The following PCDHGB2 variants were observed in gnomAD, a reference collection of about 807,000 sequenced individuals.
PCDHGB2 encodes protocadherin gamma subfamily B, 2.
A neutral mutation model predicts 59.3 loss-of-function variants in PCDHGB2; 55 were observed. The observed-to-expected ratio is 0.93, with a 90% CI of 0.75 to 1.16. The LOEUF (loss-of-function observed/expected upper bound fraction) is 1.16, where lower values mean the gene tolerates loss of function less well. Among genes scored for constraint, PCDHGB2 ranks in the 50% most tolerant of loss-of-function variants. The pLI, the probability that PCDHGB2 is intolerant of heterozygous loss-of-function variation, is 0.00. For missense variants in PCDHGB2, 1,228 were observed against 1,198.5 expected (o/e 1.02, Z -0.36); for synonymous variants, 516 against 512.0 (o/e 1.01, Z -0.11).
At chr5:141,415,937 C>T (rs939831077) in intron 1 of PCDHGB2, 8 of 587,822 alleles carry the variant, frequency 1.4e-5, no homozygotes, top group Non-Finnish European at 2.0e-5. Context: ...TATATTTCCT[C>T]CTGGGTGGTC....
chr5:141,419,137 C>G, intron 1 of PCDHGB2: 2 of 1,613,892 alleles, frequency 1.2e-6, no homozygotes, highest in Non-Finnish European at 1.7e-6. Context: ...CAGCCACAGA[C>G]AGGGGCAAGC....
intron 1 of PCDHGB2, chr5:141,373,900 C>G (rs1392088085): frequency 1.8e-6 from 1 of 550,068 alleles, no homozygotes; most frequent in Non-Finnish European, 3.0e-6. Context: ...CAAGTTACAT[C>G]CTCCAACAAC....
Position 141,487,333 on chromosome 5 carries a change from C to T in PCDHGB2, c.2422-7474C>T. 6.2e-7 allele frequency: 1 copy of T among 1,614,176 alleles called. No homozygotes were observed. The highest frequency in any genetic ancestry group is 8.5e-7 in the Non-Finnish European group (1 of 1,180,022). On this transcript the variant is annotated intron_variant, in intron 1 of 3. Transcript: ENST00000522605. The surrounding 1 kb of genome is among the most constrained non-coding windows in gnomAD (Gnocchi z 5.0). ...TCTCTAAGTGTCTTCGTGGGGCAGC[C>T]TGTGGAGTCACATGCTTTCCTGCTG...
At chr5:141,363,675 G>A (rs1763023401) in intron 1 of PCDHGB2, among the ~76,000 whole-genome samples, 1 of 152,208 alleles carries the variant, frequency 6.6e-6, no homozygotes, top group South Asian at 2.1e-4. Context: ...GCATATGACA[G>A]CTAATATAAC....
At chr5:141,372,341 A>T in intron 1 of PCDHGB2, 1 of 1,613,800 alleles carries the variant, frequency 6.2e-7, no homozygotes, top group Non-Finnish European at 8.5e-7. Context: ...TGCGTGATGG[A>T]GGACAGCAGC....
chr5:141,418,867 A>T, intron 1 of PCDHGB2: 1 of 1,613,968 alleles, frequency 6.2e-7, no homozygotes, highest in Non-Finnish European at 8.5e-7. Context: ...TAATTGTAGA[A>T]GTTGTAGACG....
At chr5:141,433,391 CTA>C (rs1477426085) in intron 1 of PCDHGB2, among the ~76,000 whole-genome samples, 3 of 151,570 alleles carry the variant, frequency 2.0e-5, no homozygotes, top group African/African-American at 7.3e-5. Context: ...ATCTATCTAT[CTA>C]TCTATCTATC....
At chr5:141,433,066 C>A in intron 1 of PCDHGB2, 2 of 1,614,210 alleles carry the variant, frequency 1.2e-6, no homozygotes, top group Non-Finnish European at 1.7e-6. Context: ...GTCACCTGAT[C>A]TTCCCCCAGC....
At position 141,431,416 on chromosome 5, in the gene PCDHGB2, C is replaced by T. The variant is rs778722151; in HGVS notation, c.2422-63391C>T. Reference sequence around the variant, plus strand: ...TCCTTACGGCCTCCGACGGGGGCGACCCGGTGCGCACAGGCACCGCGCGCA... The same window carrying T: ...TCCTTACGGCCTCCGACGGGGGCGATCCGGTGCGCACAGGCACCGCGCGCA... On this transcript the variant is annotated intron_variant, in intron 1 of 3. Transcript: ENST00000522605. This position sits in a 1 kb window ranked among gnomAD's most constrained non-coding sequence, Gnocchi z 4.8. 2.5e-6 allele frequency: 4 copies of T among 1,613,714 alleles called. No homozygotes were observed. Among genetic ancestry groups the T allele is most frequent in the Admixed American group, 1.7e-5 (1 of 60,028 alleles).
At position 141,491,518 on chromosome 5, in the gene PCDHGB2, A is replaced by G. The variant is rs756813813; in HGVS notation, c.2422-3289A>G. 3 of 1,613,990 alleles carry G rather than the reference A, an allele frequency of 1.9e-6. No individual in the cohort carries two copies. The highest frequency in any genetic ancestry group is 3.3e-5 in the Admixed American group (2 of 60,028). ...GAGCTCGGACGGCACGCTCAAGTAC[A>G]TGGAGGTGACGCTGCGGCCCACAGA... On this transcript the variant is annotated intron_variant, in intron 1 of 3. Transcript: ENST00000522605. This position sits in a 1 kb window ranked among gnomAD's most constrained non-coding sequence, Gnocchi z 6.9.
chr5:141,410,251 C>A (rs2095372140), intron 1 of PCDHGB2: 5 of 1,613,898 alleles, frequency 3.1e-6, no homozygotes, highest in African/African-American at 1.3e-5. Context: ...TACTCTCTGA[C>A]CCCCAGGCTG....
intron 1 of PCDHGB2, chr5:141,364,253 T>C (rs1355902961): frequency 1.2e-5 from 18 of 1,490,992 alleles, no homozygotes; most frequent in Non-Finnish European, 1.6e-5. Context: ...TCAGGGAATA[T>C]GTACCCATCG....
rs1395556571 is a variant in PCDHGB2 at position 141,432,581 on chromosome 5, C to CT, written c.2422-62225dup. ...CCAGAACGCCTGGCTGTCCTACCGT[C>CT]TGCTCAAGGCCAGCGAGCCGGGACT... On this transcript the variant is annotated intron_variant, in intron 1 of 3. Coordinates refer to ENST00000522605, the MANE Select transcript of PCDHGB2 (RefSeq NM_018923.3). This position sits in a 1 kb window ranked among gnomAD's most constrained non-coding sequence, Gnocchi z 6.0. 6.2e-7 allele frequency: 1 copy of CT among 1,613,930 alleles called. No homozygotes were observed.
At chr5:141,365,274 A>G (rs199512708) in intron 1 of PCDHGB2, 679 of 1,613,988 alleles carry the variant, frequency 4.2e-4, no homozygotes, top group Non-Finnish European at 5.0e-4. Context: ...TCCAGATTCT[A>G]CCTCATGGAA....
Position 141,490,772 on chromosome 5 carries a change from C to T in PCDHGB2, c.2422-4035C>T. ...GCCTCCTCCTTTGTGTATGTCAACC[C>T]AGAGGATGGACGGATCTTTGCCCAG... On this transcript the variant is annotated intron_variant, in intron 1 of 3. Coordinates refer to ENST00000522605, the MANE Select transcript of PCDHGB2 (RefSeq NM_018923.3). This position sits in a 1 kb window ranked among gnomAD's most constrained non-coding sequence, Gnocchi z 5.4. 6.2e-7 allele frequency: 1 copy of T among 1,614,164 alleles called. No homozygotes were observed. The highest frequency in any genetic ancestry group is 1.1e-5 in the South Asian group (1 of 91,082).
Position 141,487,297 on chromosome 5 carries a change from C to T in PCDHGB2, c.2422-7510C>T, listed in dbSNP as rs770262058. ...TTTGCTTTGTCTCCTTTGGCTCATT[C>T]GTGGCACTACTCTCTAAGTGTCTTC... On this transcript the variant is annotated intron_variant, in intron 1 of 3. Coordinates refer to ENST00000522605, the MANE Select transcript of PCDHGB2 (RefSeq NM_018923.3). This position sits in a 1 kb window ranked among gnomAD's most constrained non-coding sequence, Gnocchi z 5.0. The T allele has an allele frequency of 3.2e-5, 52 of 1,613,984 alleles. No homozygotes were observed. The highest frequency in any genetic ancestry group is 4.0e-5 in the African/African-American group (3 of 74,912).
chr5:141,376,559 C>G (rs758448085), intron 1 of PCDHGB2: 8 of 1,609,380 alleles, frequency 5.0e-6, no homozygotes, highest in Admixed American at 3.4e-5. Context: ...TCCCGCAACC[C>G]AACTAATCAG....
At chr5:141,453,205 G>C (rs570291941) in intron 1 of PCDHGB2, among the ~76,000 whole-genome samples, 2 of 151,872 alleles carry the variant, frequency 1.3e-5, no homozygotes, top group Non-Finnish European at 2.9e-5. Context: ...CCTCAACCTC[G>C]TGCACTTAAG....
intron 1 of PCDHGB2, chr5:141,365,479 A>C: frequency 6.2e-7 from 1 of 1,614,024 alleles, no homozygotes; most frequent in African/African-American, 1.3e-5. Context: ...GTGAGATTGC[A>C]TGCTCTATTC....
Sources: gnomAD v4.1 joint callset for allele counts (sites outside exome capture counted in the v4.1 genomes callset) on GRCh38, gnomAD v4.1.1 for gene constraint, Gnocchi (gnomAD v3.1) non-coding constraint, MANE v1.5 for transcripts, NCBI Gene and HGNC (gene_info 2026-07-23, HGNC 2026-07-21) for gene names.